Variants in BMPER observed in about 807,000 individuals in gnomAD.
BMPER encodes the protein BMP binding endothelial regulator.
In BMPER, 45 loss-of-function variants were observed where a neutral mutation model predicts 87.3. The ratio of observed to expected loss-of-function variants is 0.52; its 90% CI spans 0.41 to 0.66. The LOEUF (loss-of-function observed/expected upper bound fraction) is 0.66, where lower values mean the gene tolerates loss of function less well. BMPER is among the 30% of genes least tolerant of loss of function. The probability of loss-of-function intolerance (pLI) is 0.00; values close to 1 mark genes in which losing one functional copy is unlikely to be tolerated. For synonymous variants in BMPER, 326 were observed against 316.2 expected, an observed-to-expected ratio of 1.03 and a Z score of -0.33; for missense variants, 784 against 867.5, an observed-to-expected ratio of 0.90 and a Z score of 1.21.
intron 2 of BMPER, among the ~76,000 whole-genome samples, chr7:33,919,923 A>ATATCTGTCTATCTATCTATCTATCTATC (rs60667742): frequency 1.5e-4 from 23 of 150,712 alleles, no homozygotes; most frequent in African/African-American, 5.6e-4. Flanking sequence ...ATCTGTGTAC[A>ATATCTGTCTATCTATCTATCTATCTATC]TATCTATCTA....
At chr7:34,058,608 G>A (rs575699350) in intron 10 of BMPER, among the ~76,000 whole-genome samples, 10 of 152,218 alleles carry the variant, frequency 6.6e-5, no homozygotes, top group Non-Finnish European at 7.4e-5. Flanking sequence ...CGGCATCCCC[G>A]ATTTCTTTGC....
intron 13 of BMPER, among the ~76,000 whole-genome samples, chr7:34,088,121 T>C (rs1253439517): frequency 6.6e-6 from 1 of 152,148 alleles, no homozygotes; most frequent in African/African-American, 2.4e-5. Flanking sequence ...GGGCAGCTCA[T>C]GAGAATGTTC....
chr7:34,129,610 A>AGAGAGAGAGAG lies in BMPER; in HGVS notation c.1746-13620_1746-13619insGAGAGAGAGAG, dbSNP rs1790507400. On this transcript the variant is annotated intron_variant, in intron 13 of 14. Transcript: ENST00000649409. Reference sequence around the variant, plus strand: ...AGAGAGAGAGAGAGAGAGAGAGAGAAAGAGAGAGAGAGAGAAAGAGAGAAA... The same window carrying AGAGAGAGAGAG: ...AGAGAGAGAGAGAGAGAGAGAGAGAAGAGAGAGAGAGAGAGAGAGAGAGAGAAAGAGAGAAA... Among the ~76,000 whole-genome samples, 25 of 69,630 alleles carry AGAGAGAGAGAG rather than the reference A, an allele frequency of 3.6e-4. 1 individual carries two copies. The highest frequency in any genetic ancestry group is 8.6e-4 in the African/African-American group (15 of 17,440). 45.7% of individuals were successfully genotyped at this position (69,630 alleles called of 152,430 possible). A position where few individuals can be genotyped will look rare whatever the true frequency, so the allele number is the denominator to read the frequency against.
chr7:34,083,391 T>C (rs1315870596), intron 12 of BMPER, among the ~76,000 whole-genome samples: 1 of 152,206 alleles, frequency 6.6e-6, no homozygotes, highest in Non-Finnish European at 1.5e-5. Context: ...TATGGCTCTC[T>C]TTCTTCTTTA....
At chr7:34,037,482 T>C (rs1037378624) in intron 6 of BMPER, among the ~76,000 whole-genome samples, 2 of 152,004 alleles carry the variant, frequency 1.3e-5, no homozygotes, top group African/African-American at 4.8e-5. Flanking sequence ...TCTGTAAGAA[T>C]CTTGAAATAT....
chr7:34,078,779 C>A (rs1788931949), intron 11 of BMPER, 78 bp from the exon 12 acceptor site: 2 of 1,454,736 alleles, frequency 1.4e-6, no homozygotes, highest in Non-Finnish European at 1.9e-6. Context: ...CTTCCCCTTA[C>A]CCAGCAGGTG....
chr7:34,022,692 C>G (rs929011493), intron 6 of BMPER, among the ~76,000 whole-genome samples: 5 of 136,098 alleles, frequency 3.7e-5, no homozygotes, highest in African/African-American at 1.4e-4. Context: ...GAACCAATCC[C>G]TTTAAGGTTT....
intron 1 of BMPER, among the ~76,000 whole-genome samples, chr7:33,906,042 C>A (rs911965656): frequency 2.6e-5 from 4 of 151,488 alleles, no homozygotes; most frequent in African/African-American, 9.7e-5. Context: ...TTAATCTTTC[C>A]CTCTGTAGAA....
At chr7:34,027,427 C>G (rs1184066582) in intron 6 of BMPER, among the ~76,000 whole-genome samples, 1 of 151,938 alleles carries the variant, frequency 6.6e-6, no homozygotes, top group Non-Finnish European at 1.5e-5. Context: ...TTAAAAATCT[C>G]CTAGATGAAA....
intron 3 of BMPER, among the ~76,000 whole-genome samples, chr7:33,940,791 C>T (rs1000651575): frequency 6.8e-6 from 1 of 148,074 alleles, no homozygotes; most frequent in Non-Finnish European, 1.5e-5. Context: ...TAAATAATGT[C>T]TAGGCATGAT....
chr7:33,913,258 C>T (rs887775200), intron 2 of BMPER, among the ~76,000 whole-genome samples: 1 of 152,082 alleles, frequency 6.6e-6, no homozygotes, highest in Non-Finnish European at 1.5e-5. Context: ...GTGCCCAAAG[C>T]TGTGATGGAG....
At chr7:34,025,689 A>G (rs1286840436) in intron 6 of BMPER, among the ~76,000 whole-genome samples, 1 of 152,032 alleles carries the variant, frequency 6.6e-6, no homozygotes, top group African/African-American at 2.4e-5. Flanking sequence ...GTGGGTGAGA[A>G]GAGATCGGGA....
intron 3 of BMPER, among the ~76,000 whole-genome samples, chr7:33,941,134 A>G (rs1295929980): frequency 7.2e-6 from 1 of 138,088 alleles, no homozygotes; most frequent in Non-Finnish European, 1.5e-5. Flanking sequence ...TTATATATTT[A>G]TATGTAATAT....
intron 3 of BMPER, among the ~76,000 whole-genome samples, chr7:33,951,751 A>G (rs1785030986): frequency 6.6e-6 from 1 of 152,186 alleles, no homozygotes; most frequent in Admixed American, 6.5e-5. Flanking sequence ...TTCCTAGTTC[A>G]GCATGTGTCT....
chr7:33,995,607 G>A (rs576799213), intron 6 of BMPER, among the ~76,000 whole-genome samples: 84 of 152,298 alleles, frequency 5.5e-4, no homozygotes, highest in Non-Finnish European at 7.9e-4. Context: ...ATGTAAGATT[G>A]ATGATATTTG....
At chr7:33,986,172 A>G (rs568904137) in intron 6 of BMPER, among the ~76,000 whole-genome samples, 1 of 152,082 alleles carries the variant, frequency 6.6e-6, no homozygotes, top group African/African-American at 2.4e-5. Context: ...TCTCATACTC[A>G]TGGCTCTGCA....
At chr7:34,098,094 G>A (rs1789577108) in intron 13 of BMPER, among the ~76,000 whole-genome samples, 1 of 152,106 alleles carries the variant, frequency 6.6e-6, no homozygotes, top group Admixed American at 6.5e-5. Context: ...GGGTCATATG[G>A]GAAGCCAGAA....
At chr7:34,058,516 A>C (rs1165324838) in intron 10 of BMPER, among the ~76,000 whole-genome samples, 1 of 152,110 alleles carries the variant, frequency 6.6e-6, no homozygotes, top group Non-Finnish European at 1.5e-5. Flanking sequence ...CCCTTCTCAA[A>C]TCAGAGCTTT....
chr7:34,143,466 G>A, intron 14 of BMPER, 106 bp downstream of exon 14: 3 of 1,527,896 alleles, frequency 2.0e-6, no homozygotes, highest in Non-Finnish European at 2.7e-6. Flanking sequence ...ATGCCCCCTT[G>A]CCAGAGGAAA....
Sources: gnomAD v4.1 joint callset for allele counts (sites outside exome capture counted in the v4.1 genomes callset) on GRCh38, gnomAD v4.1.1 for gene constraint, MANE v1.5 for transcripts, NCBI Gene and HGNC (gene_info 2026-07-23, HGNC 2026-07-21) for gene names.